The following FAM219A variants were observed in gnomAD, a reference collection of about 807,000 sequenced individuals.
The protein encoded by FAM219A is family with sequence similarity 219 member A, also known as protein FAM219A.
A neutral mutation model predicts 23.4 loss-of-function variants in FAM219A; 7 were observed. The observed-to-expected ratio is 0.30, with a 90% confidence interval of 0.17 to 0.56. The LOEUF (loss-of-function observed/expected upper bound fraction) is 0.56. Among genes scored for constraint, FAM219A ranks in the 20% least tolerant of loss-of-function variants. The pLI is 0.92. For synonymous variants in FAM219A, 93 were observed against 99.0 expected (o/e 0.94, Z 0.36); for missense variants, 166 against 246.9 (o/e 0.67, Z 2.20).
At position 34,443,608 on chromosome 9, in the gene FAM219A, T is replaced by C. The variant is rs566113104; in HGVS notation, c.60+14596A>G. On this transcript the variant is annotated intron_variant, in intron 1 of 5. Coordinates refer to ENST00000651358, the MANE Select transcript of FAM219A (RefSeq NM_001184940.2). ...AATTTGCAGCTCATTTTCACATACATGATCTTATTTATTTTACAAATGCCT... is the reference window on the plus strand; with the variant it reads ...AATTTGCAGCTCATTTTCACATACACGATCTTATTTATTTTACAAATGCCT... 1.4e-4 allele frequency among the ~76,000 whole-genome samples: 21 copies of C among 152,320 alleles called. 1 individual carries two copies. The highest frequency in any genetic ancestry group is 6.2e-4 in the South Asian group (3 of 4,822).
rs1823283967 is a variant in FAM219A at position 34,444,131 on chromosome 9, TC to T, written c.60+14072del. 2.6e-5 allele frequency among the ~76,000 whole-genome samples: 4 copies of T among 152,304 alleles called. No homozygotes were observed. In the South Asian group the frequency reaches 8.3e-4, roughly 32 times the overall value. ...TGTCAGCTGAGAGCAGAGAGGACTT[TC>T]TGGAAGCTAAAATCCTCAGGGAACA... is the stretch of plus-strand genomic sequence containing the variant. On this transcript the variant is annotated intron_variant, in intron 1 of 5. Coordinates refer to ENST00000651358, the MANE Select transcript of FAM219A (RefSeq NM_001184940.2).
intron 4 of FAM219A, 104 bp downstream of exon 4, chr9:34,402,283 G>C: frequency 1.2e-6 from 2 of 1,613,934 alleles, no homozygotes; most frequent in African/African-American, 2.7e-5. Flanking sequence ...TCTGGCTGAA[G>C]AATATCCCAA....
intron 1 of FAM219A, among the ~76,000 whole-genome samples, chr9:34,451,046 A>G (rs886626383): frequency 2.0e-5 from 3 of 152,196 alleles, no homozygotes; most frequent in Non-Finnish European, 4.4e-5. Context: ...CAATAATAAC[A>G]ACAAATACAA....
At chr9:34,402,676 G>A (rs879835264) in intron 3 of FAM219A, 29 bp downstream of exon 3, 5 of 1,610,806 alleles carry the variant, frequency 3.1e-6, no homozygotes, top group African/African-American at 2.7e-5. Flanking sequence ...TGGCTGGCAG[G>A]GTCCAGGTGG....
intron 1 of FAM219A, among the ~76,000 whole-genome samples, chr9:34,418,739 G>A (rs189868513): frequency 1.3e-5 from 2 of 152,276 alleles, no homozygotes; most frequent in African/African-American, 4.8e-5. Flanking sequence ...ATGGAGAAAG[G>A]AGTTAAGGTA....
chr9:34,443,348 C>T (rs1212834704), intron 1 of FAM219A, among the ~76,000 whole-genome samples: 1 of 152,152 alleles, frequency 6.6e-6, no homozygotes, highest in Non-Finnish European at 1.5e-5. Context: ...CCAGCCCAGC[C>T]CCACTCAATG....
In FAM219A at chr9:34,402,542, G is replaced by A. The variant is rs574461936; in HGVS notation, c.264-75C>T. ...CTGGCAAGGGACTGGGTTGGGCCCC[G>A]TCCCACCACTTTCTTCCCTCCCTCC... On this transcript the variant is annotated intron_variant, in intron 3 of 5. Coordinates refer to ENST00000651358, the MANE Select transcript of FAM219A (RefSeq NM_001184940.2). 418 of 1,590,470 alleles carry A rather than the reference G, an allele frequency of 2.6e-4. 2 individuals carry two copies. The African/African-American group carries it at 4.6e-3, about 17-fold the overall frequency.
At chr9:34,455,245 G>A (rs1245483916) in intron 1 of FAM219A, among the ~76,000 whole-genome samples, 1 of 152,120 alleles carries the variant, frequency 6.6e-6, no homozygotes, top group African/African-American at 2.4e-5. Flanking sequence ...AGGAGCTATT[G>A]TTTAAACTTT....
chr9:34,411,944 A>G (rs1821839693), intron 1 of FAM219A, among the ~76,000 whole-genome samples: 1 of 152,204 alleles, frequency 6.6e-6, no homozygotes, highest in South Asian at 2.1e-4. Flanking sequence ...AATAGTCGGC[A>G]TTTTGCTATA....
intron 2 of FAM219A, among the ~76,000 whole-genome samples, chr9:34,404,819 A>C (rs1190379958): frequency 6.6e-6 from 1 of 152,214 alleles, no homozygotes; most frequent in Non-Finnish European, 1.5e-5. Context: ...GGAGAGGACT[A>C]TTCTTGTTTA....
intron 1 of FAM219A, among the ~76,000 whole-genome samples, chr9:34,436,814 T>C (rs1402867174): frequency 2.6e-5 from 4 of 152,220 alleles, no homozygotes; most frequent in African/African-American, 9.7e-5. Flanking sequence ...TTTCTTAATG[T>C]CCCTTTCCTT....
intron 1 of FAM219A, among the ~76,000 whole-genome samples, chr9:34,421,381 TG>T (rs1162342783): frequency 3.9e-5 from 6 of 152,084 alleles, no homozygotes; most frequent in Non-Finnish European, 8.8e-5. Flanking sequence ...TTGCTGGTTA[TG>T]CATCTCCATG....
chr9:34,416,260 G>GGGGGA (rs1822018421), intron 1 of FAM219A, among the ~76,000 whole-genome samples: 4 of 77,212 alleles, frequency 5.2e-5, no homozygotes, highest in African/African-American at 1.5e-4. Flanking sequence ...AGAAAGAAAG[G>GGGGGA]GGGAGGGAGG....
At chr9:34,405,833 C>T (rs779881083) in intron 2 of FAM219A, 32 bp downstream of exon 2, 2 of 1,605,652 alleles carry the variant, frequency 1.2e-6, no homozygotes, top group Non-Finnish European at 8.5e-7. Flanking sequence ...TGCCTACTCC[C>T]CACATCTCCC....
intron 1 of FAM219A, among the ~76,000 whole-genome samples, chr9:34,439,163 C>T (rs1823061634): frequency 6.6e-6 from 1 of 152,194 alleles, no homozygotes; most frequent in Non-Finnish European, 1.5e-5. Flanking sequence ...AAGGAACACA[C>T]TCCGGACACG....
At chr9:34,414,177 G>T (rs1023117343) in intron 1 of FAM219A, among the ~76,000 whole-genome samples, 1 of 152,206 alleles carries the variant, frequency 6.6e-6, no homozygotes, top group African/African-American at 2.4e-5. Context: ...CCTGCAGAGG[G>T]CTGTCCATTC....
intron 1 of FAM219A, among the ~76,000 whole-genome samples, chr9:34,415,563 A>G (rs980200852): frequency 6.6e-6 from 1 of 152,222 alleles, no homozygotes; most frequent in African/African-American, 2.4e-5. Context: ...ACACTTGATA[A>G]TGTTCTACGG....
In FAM219A at chr9:34,400,943, C is replaced by A; in HGVS notation, c.*21G>T. The A allele has an allele frequency of 2.6e-6, 4 of 1,510,976 alleles. No individual in the cohort carries two copies. The highest frequency in any genetic ancestry group is 3.6e-6 in the Non-Finnish European group (4 of 1,125,874). 93.6% of individuals were successfully genotyped at this position (1,510,976 alleles called of 1,614,324 possible). A position where few individuals can be genotyped will look rare whatever the true frequency, so the allele number is the denominator to read the frequency against. Reference sequence around the variant, plus strand: ...CCGGCCCTTGGCGGCCCCGCCCCGGCGACCGCAGTGGCCCCGCCCGCTACT... The same window carrying A: ...CCGGCCCTTGGCGGCCCCGCCCCGGAGACCGCAGTGGCCCCGCCCGCTACT... On this transcript the variant is annotated 3_prime_UTR_variant, in exon 6 of 6. Transcript: ENST00000651358.
chr9:34,422,487 G>A (rs928880900), intron 1 of FAM219A, among the ~76,000 whole-genome samples: 2 of 152,148 alleles, frequency 1.3e-5, no homozygotes, highest in Admixed American at 1.3e-4. Context: ...ACACCTCTGT[G>A]GGACTGTTGT....
Sources: allele counts gnomAD v4.1 joint callset (sites outside exome capture counted in the v4.1 genomes callset), GRCh38; gene constraint gnomAD v4.1.1; transcripts MANE v1.5; gene names NCBI Gene and HGNC (gene_info 2026-07-23, HGNC 2026-07-21).